Variants in LRRN1 observed in about 807,000 individuals in gnomAD.
LRRN1 encodes the protein leucine-rich repeat neuronal protein 1.
In LRRN1, 14 loss-of-function variants were observed where a neutral mutation model predicts 45.8. The ratio of observed to expected loss-of-function variants is 0.31; its 90% CI spans 0.20 to 0.48. The LOEUF (loss-of-function observed/expected upper bound fraction) is 0.48. LRRN1 is among the 20% of genes least tolerant of loss of function. The pLI is 0.99. For missense variants in LRRN1, 789 were observed against 874.2 expected (o/e 0.90, Z 1.23); for synonymous variants, 359 against 330.1 (o/e 1.09, Z -0.95).
chr3:3,807,869 C>T (rs112130077), intron 1 of LRRN1, among the ~76,000 whole-genome samples: 2 of 152,142 alleles, frequency 1.3e-5, no homozygotes, highest in African/African-American at 4.8e-5. Context: ...AAGGCCTAAC[C>T]CCCCAAAGGA....
chr3:3,844,962 T>C lies in LRRN1; in HGVS notation c.321T>C (p.Phe107=). The C allele has an allele frequency of 1.2e-6, 2 of 1,614,080 alleles. No individual in the cohort carries two copies. The highest frequency in any genetic ancestry group is 1.7e-6 in the Non-Finnish European group (2 of 1,180,002). The change falls in exon 2 of 2, where the codon TTT becomes TTC. Residue 107 remains phenylalanine (F), a synonymous_variant. Coordinates refer to ENST00000319331, the MANE Select transcript of LRRN1 (RefSeq NM_020873.7). ...LTELDFSQNN[F]TNIKEVGLAN... ...AACTAGATTTCTCCCAAAACAACTT[T>C]ACTAACATTAAGGAGGTCGGGCTGG...
intron 1 of LRRN1, chr3:3,827,524 G>T (rs745873545): frequency 8.8e-6 from 4 of 456,128 alleles, no homozygotes; most frequent in South Asian, 6.2e-5. Context: ...AAGGCAAGAA[G>T]GAAATCTTGG....
At position 3,846,581 on chromosome 3, in the gene LRRN1, C is replaced by A; in HGVS notation, c.1940C>A (p.Ser647Tyr). ...ATGTTTGCCGTCATTAGCCTTGCGT[C>A]CATTGCTGTGTACTTTGCCAAAAGA... is the stretch of plus-strand genomic sequence containing the variant. ...GSMFAVISLA[S>Y]IAVYFAKRFK... is the part of the protein sequence containing the mutation. Residue 647 changes from serine to tyrosine, a missense_variant, in exon 2 of 2, where the codon TCC (serine) becomes TAC (tyrosine). Ser to Tyr is a moderately radical substitution (Grantham distance 144). Coordinates refer to ENST00000319331, the MANE Select transcript of LRRN1 (RefSeq NM_020873.7). The surrounding 1 kb of genome is among the most constrained non-coding windows in gnomAD (Gnocchi z 5.7). The A allele has an allele frequency of 6.2e-7, 1 of 1,614,126 alleles. No homozygotes were observed. The highest frequency in any genetic ancestry group is 1.1e-5 in the South Asian group (1 of 91,080).
In LRRN1 at chr3:3,846,857, G is replaced by A; in HGVS notation, c.*65G>A. The A allele has an allele frequency of 4.6e-6, 6 of 1,316,212 alleles. No homozygotes were observed. The South Asian group carries it at 7.3e-5, about 16-fold the overall frequency. The allele number at this position is 1,316,212 out of a possible 1,614,324, so 81.5% of individuals were successfully genotyped here. On this transcript the variant is annotated 3_prime_UTR_variant, in exon 2 of 2. Coordinates refer to ENST00000319331, the MANE Select transcript of LRRN1 (RefSeq NM_020873.7). This position sits in a 1 kb window ranked among gnomAD's most constrained non-coding sequence, Gnocchi z 5.7. ...GACGTTTTTGCTTTATTCTGCAAAA[G>A]TGAACAAGTTGAAGACTTTTGTATT...
At position 3,845,262 on chromosome 3, in the gene LRRN1, G is replaced by A. The variant is rs1455259314; in HGVS notation, c.621G>A (p.Leu207=). The A allele has an allele frequency of 3.7e-6, 6 of 1,613,976 alleles. No individual in the cohort carries two copies. Among genetic ancestry groups the A allele is most frequent in the South Asian group, 2.2e-5 (2 of 91,088 alleles). The part of the protein sequence containing the change: ...MIGENPVIGI[L]DMNFKPLANL... ...GAGAAAACCCTGTGATTGGAATTCT[G>A]GATATGAACTTCAAACCCCTCGCAA... The change falls in exon 2 of 2, where the codon CTG becomes CTA. Residue 207 remains leucine, a synonymous_variant. Transcript: ENST00000319331. This position sits in a 1 kb window ranked among gnomAD's most constrained non-coding sequence, Gnocchi z 6.5.
chr3:3,837,443 C>T (rs140047233), intron 1 of LRRN1, among the ~76,000 whole-genome samples: 57 of 152,180 alleles, frequency 3.7e-4, no homozygotes, highest in African/African-American at 7.2e-4. Context: ...TTGTTGAGCT[C>T]ATTTGGGGTT....
At chr3:3,806,657 C>G (rs147117012) in intron 1 of LRRN1, among the ~76,000 whole-genome samples, 260 of 152,318 alleles carry the variant, frequency 1.7e-3, no homozygotes, top group African/African-American at 5.8e-3. Flanking sequence ...AGAGAAGATG[C>G]AGCTGAGTTG....
chr3:3,834,533 T>TATATATATATATATATATATATATATC (rs1559302637), intron 1 of LRRN1, among the ~76,000 whole-genome samples: 1 of 105,008 alleles, frequency 9.5e-6, no homozygotes, highest in African/African-American at 3.6e-5. Flanking sequence ...AGGATATATA[T>TATATATATATATATATATATATATATC]ATATATATAT....
intron 1 of LRRN1, among the ~76,000 whole-genome samples, chr3:3,832,100 A>G (rs1693385487): frequency 1.3e-5 from 2 of 152,374 alleles, no homozygotes; most frequent in South Asian, 2.1e-4. Context: ...ATCTGCTGTC[A>G]TTCTCCAAGA....
At chr3:3,809,454 T>C (rs12054105) in intron 1 of LRRN1, among the ~76,000 whole-genome samples, 32,651 of 152,196 alleles carry the variant, frequency 0.21, 4,957 homozygotes, top group African/African-American at 0.41. Context: ...ATGAAAAGTA[T>C]TGAATGATTT....
chr3:3,828,201 G>T (rs1413564305), intron 1 of LRRN1, among the ~76,000 whole-genome samples: 1 of 150,620 alleles, frequency 6.6e-6, no homozygotes, highest in Non-Finnish European at 1.5e-5. Context: ...ATATATAAAG[G>T]GGAGTTTATT....
chr3:3,820,209 C>T (rs1312536435), intron 1 of LRRN1, among the ~76,000 whole-genome samples: 2 of 152,118 alleles, frequency 1.3e-5, no homozygotes, highest in Non-Finnish European at 2.9e-5. Flanking sequence ...AGAATGTGAT[C>T]TAGAAATGAC....
Position 3,816,459 on chromosome 3 carries a change from A to G in LRRN1, c.-279+16540A>G, listed in dbSNP as rs1379763484. On this transcript the variant is annotated intron_variant, in intron 1 of 1. Coordinates refer to ENST00000319331, the MANE Select transcript of LRRN1 (RefSeq NM_020873.7). This position sits in a 1 kb window ranked among gnomAD's most constrained non-coding sequence, Gnocchi z 4.0. Reference sequence around the variant, plus strand: ...ATTAACAGAAATCCTAATTAACTAGATCCCCTCCACCCTCAGTCCACTTTT... The same window carrying G: ...ATTAACAGAAATCCTAATTAACTAGGTCCCCTCCACCCTCAGTCCACTTTT... Among the ~76,000 whole-genome samples, 2 of 152,158 alleles carry G rather than the reference A, an allele frequency of 1.3e-5. No individual in the cohort carries two copies. The highest frequency in any genetic ancestry group is 2.4e-5 in the African/African-American group (1 of 41,444).
At position 3,847,634 on chromosome 3, in the gene LRRN1, G is replaced by A. The variant is rs944201499; in HGVS notation, c.*842G>A. 10 of 166,948 alleles carry A rather than the reference G, an allele frequency of 6.0e-5. No homozygotes were observed. The highest frequency in any genetic ancestry group is 1.2e-4 in the Non-Finnish European group (8 of 68,096). 10.3% of individuals were successfully genotyped at this position (166,948 alleles called of 1,614,324 possible). A position where few individuals can be genotyped will look rare whatever the true frequency, so the allele number is the denominator to read the frequency against. ...GATTTTTTAGAACACTTGCAATAATGTATCATTTATAGTTCTTGCTAGTTG... is the reference window on the plus strand; with the variant it reads ...GATTTTTTAGAACACTTGCAATAATATATCATTTATAGTTCTTGCTAGTTG... On this transcript the variant is annotated 3_prime_UTR_variant, in exon 2 of 2. Transcript: ENST00000319331.
intron 1 of LRRN1, among the ~76,000 whole-genome samples, chr3:3,808,964 A>G (rs543842166): frequency 6.0e-4 from 91 of 152,302 alleles, no homozygotes; most frequent in Non-Finnish European, 1.2e-3. Context: ...GCATTCTCCT[A>G]ACCCTTACCA....
intron 1 of LRRN1, among the ~76,000 whole-genome samples, chr3:3,819,104 C>G (rs1165855444): frequency 6.6e-6 from 1 of 152,068 alleles, no homozygotes. Context: ...CCTCCTGCTT[C>G]AGCCTCCTAA....
rs200206325 is a variant in LRRN1 at position 3,824,726 on chromosome 3, C to T, written c.-278-19638C>T. Among the ~76,000 whole-genome samples, 6 of 152,198 alleles carry T rather than the reference C, an allele frequency of 3.9e-5. No individual in the cohort carries two copies. The East Asian group carries it at 9.6e-4, about 24-fold the overall frequency. Reference sequence around the variant, plus strand: ...TTGATGGAGCACTAAAGACTAATGTCATTCAAAGAACTGTAGACCCTGCCC... The same window carrying T: ...TTGATGGAGCACTAAAGACTAATGTTATTCAAAGAACTGTAGACCCTGCCC... On this transcript the variant is annotated intron_variant, in intron 1 of 1. Coordinates refer to ENST00000319331, the MANE Select transcript of LRRN1 (RefSeq NM_020873.7).
Position 3,816,341 on chromosome 3 carries a change from G to A in LRRN1, c.-279+16422G>A, listed in dbSNP as rs1030924678. Among the ~76,000 whole-genome samples the A allele has an allele frequency of 7.9e-5, 12 of 151,998 alleles. No individual in the cohort carries two copies. Among genetic ancestry groups the A allele is most frequent in the African/African-American group, 2.9e-4 (12 of 41,364 alleles). ...GCATACTAAGATAGGGGAACACATT[G>A]GCATCAAGGAAAATCTACAATAAGA... On this transcript the variant is annotated intron_variant, in intron 1 of 1. Transcript: ENST00000319331. The surrounding 1 kb of genome is among the most constrained non-coding windows in gnomAD (Gnocchi z 4.0).
chr3:3,833,603 G>C (rs137880888), intron 1 of LRRN1, among the ~76,000 whole-genome samples: 3 of 152,122 alleles, frequency 2.0e-5, no homozygotes, highest in Non-Finnish European at 4.4e-5. Flanking sequence ...GGGGCCCATC[G>C]GGATTTTAGT....
Sources: gnomAD v4.1 joint callset for allele counts (sites outside exome capture counted in the v4.1 genomes callset) on GRCh38, gnomAD v4.1.1 for gene constraint, Gnocchi (gnomAD v3.1) non-coding constraint, MANE v1.5 for transcripts, NCBI Gene and HGNC (gene_info 2026-07-23, HGNC 2026-07-21) for gene names.